The following PGAM1 variants were observed in gnomAD, a reference collection of about 807,000 sequenced individuals.
PGAM1 encodes BPG-dependent PGAM 1.
A neutral mutation model predicts 23.5 loss-of-function variants in PGAM1; 21 were observed. The observed-to-expected ratio is 0.89, with a 90% CI of 0.63 to 1.29. The LOEUF (loss-of-function observed/expected upper bound fraction) is 1.29, where lower values mean the gene tolerates loss of function less well. Ranked by LOEUF, PGAM1 falls within the 50% of genes most tolerant of loss-of-function variation. The pLI, the probability that PGAM1 is intolerant of heterozygous loss-of-function variation, is 0.00. For synonymous variants in PGAM1, 109 were observed against 128.6 expected (o/e 0.85, Z 1.03); for missense variants, 232 against 336.3 (o/e 0.69, Z 2.42).
chr10:97,427,447 TTCTC>T, intron 1 of PGAM1: 1 of 1,023,922 alleles, frequency 9.8e-7, no homozygotes, highest in Non-Finnish European at 1.2e-6. Flanking sequence ...GATTTTATCT[TTCTC>T]ATCTTTCCAA....
At chr10:97,426,773 C>T (rs1845414712) in intron 1 of PGAM1, among the ~76,000 whole-genome samples, 1 of 152,246 alleles carries the variant, frequency 6.6e-6, no homozygotes, top group South Asian at 2.1e-4. Context: ...GTGGCTCACG[C>T]CTGTAATCCC....
At position 97,426,257 on chromosome 10, in the gene PGAM1, T is replaced by G; in HGVS notation, c.-51T>G. 1 of 1,609,440 alleles carries G rather than the reference T, an allele frequency of 6.2e-7. No individual in the cohort carries two copies. Among genetic ancestry groups the G allele is most frequent in the Non-Finnish European group, 8.5e-7 (1 of 1,178,920 alleles). ...AGGCGCGGCCGACGGGGCGGGCTGC[T>G]ACTCCGGAATCTGCTAATCCCAGTC... is the stretch of plus-strand genomic sequence containing the variant. On this transcript the variant is annotated 5_prime_UTR_variant, in exon 1 of 4. Transcript: ENST00000334828.
chr10:97,429,516 T>C (rs1282462099), intron 1 of PGAM1, among the ~76,000 whole-genome samples: 1 of 152,218 alleles, frequency 6.6e-6, no homozygotes, highest in Admixed American at 6.5e-5. Context: ...GCACTGGGTC[T>C]TTCTTTAGTG....
intron 2 of PGAM1, 44 bp downstream of exon 2, chr10:97,430,697 GC>G: frequency 6.2e-7 from 1 of 1,601,384 alleles, no homozygotes; most frequent in Non-Finnish European, 8.5e-7. Flanking sequence ...AGGATCAGGG[GC>G]TTTTAGTAGT....
intron 3 of PGAM1, among the ~76,000 whole-genome samples, 184 bp downstream of exon 3, chr10:97,431,319 T>G (rs1845469384): frequency 6.6e-6 from 1 of 152,164 alleles, no homozygotes; most frequent in Non-Finnish European, 1.5e-5. Context: ...ATCTGCAGAA[T>G]AGTGACAGCT....
chr10:97,429,248 C>T (rs534414887), intron 1 of PGAM1, among the ~76,000 whole-genome samples: 5 of 152,000 alleles, frequency 3.3e-5, no homozygotes, highest in South Asian at 2.1e-4. Flanking sequence ...GGACTACAGG[C>T]GCCCGCCACC....
At chr10:97,431,203 G>A in intron 3 of PGAM1, 68 bp downstream of exon 3, 3 of 1,582,314 alleles carry the variant, frequency 1.9e-6, no homozygotes, top group Non-Finnish European at 2.6e-6. Context: ...TCAGGGACTT[G>A]GTAAAAAGGA....
chr10:97,426,216 AGCGGTGCGAGCGCGCAGGC>A lies in PGAM1; in HGVS notation c.-87_-69del. The A allele has an allele frequency of 6.3e-7, 1 of 1,583,420 alleles. No homozygotes were observed. The highest frequency in any genetic ancestry group is 8.6e-7 in the Non-Finnish European group (1 of 1,157,834). ...GAGAACTTGCGCGGGAGCCGGACTG[AGCGGTGCGAGCGCGCAGGC>A]GCGGCCGACGGGGCGGGCTGCTACT... On this transcript the variant is annotated 5_prime_UTR_variant, in exon 1 of 4. Coordinates refer to ENST00000334828, the MANE Select transcript of PGAM1 (RefSeq NM_002629.4).
At chr10:97,427,919 G>A in intron 1 of PGAM1, 1 of 1,289,338 alleles carries the variant, frequency 7.8e-7, no homozygotes, top group Non-Finnish European at 1.0e-6. Flanking sequence ...GCAAAACGCA[G>A]GACAGTCTGG....
intron 3 of PGAM1, 71 bp from the exon 4 acceptor site, chr10:97,432,284 A>G: frequency 6.3e-7 from 1 of 1,592,414 alleles, no homozygotes; most frequent in Non-Finnish European, 8.6e-7. Flanking sequence ...TATCACCTGG[A>G]GGACAAAGTA....
At position 97,430,370 on chromosome 10, in the gene PGAM1, G is replaced by C. The variant is rs750775936; in HGVS notation, c.140-9G>C. 2.5e-6 allele frequency: 4 copies of C among 1,611,820 alleles called. No homozygotes were observed. The Admixed American group carries it at 6.7e-5, about 27-fold the overall frequency. ...GGTTAGCTTATCACTTTGAACTTCT[G>C]ATTTCCAGATGCTGGCTATGAGTTT... On this transcript the variant is annotated splice_polypyrimidine_tract_variant and intron_variant, in intron 1 of 3. Transcript: ENST00000334828.
intron 2 of PGAM1, 108 bp from the exon 3 acceptor site, chr10:97,430,847 A>AT: frequency 6.5e-7 from 1 of 1,531,082 alleles, no homozygotes. Flanking sequence ...CCATAGTCAG[A>AT]TTTTATAAAA....
At chr10:97,430,315 C>G (rs1047313536) in intron 1 of PGAM1, 64 bp from the exon 2 acceptor site, 2 of 1,587,738 alleles carry the variant, frequency 1.3e-6, no homozygotes, top group African/African-American at 2.7e-5. Flanking sequence ...GAGATTGATA[C>G]TGAAGAACAT....
rs2133129114 is a variant in PGAM1 at position 97,426,560 on chromosome 10, T to C, written c.139+114T>C. On this transcript the variant is annotated intron_variant, in intron 1 of 3. Coordinates refer to ENST00000334828, the MANE Select transcript of PGAM1 (RefSeq NM_002629.4). ...CCGGCACCTTGGGCAGCATCTCTCT[T>C]AACAGTTTAGTGTGTAGTTGAGAAG... is the stretch of plus-strand genomic sequence containing the variant. 1.1e-5 allele frequency: 14 copies of C among 1,319,130 alleles called. No individual in the cohort carries two copies. The South Asian group carries it at 1.5e-4, about 14-fold the overall frequency. The allele number at this position is 1,319,130 out of a possible 1,614,324, so 81.7% of individuals were successfully genotyped here.
rs929036422 is a variant in PGAM1 at position 97,431,038 on chromosome 10, C to T, written c.498C>T (p.Phe166=). 6.2e-7 allele frequency: 1 copy of T among 1,613,920 alleles called. No homozygotes were observed. Among genetic ancestry groups the T allele is most frequent in the Non-Finnish European group, 8.5e-7 (1 of 1,179,978 alleles). The part of the protein sequence containing the change: ...LKDTIARALP[F]WNEEIVPQIK... The stretch of plus-strand genomic sequence containing the variant: ...ATACTATTGCCAGAGCTCTGCCCTT[C>T]TGGAATGAAGAAATAGTTCCCCAGA... Residue 166 remains phenylalanine, a synonymous_variant, in exon 3 of 4, where the codon TTC becomes TTT. Transcript: ENST00000334828.
chr10:97,432,277 CACCTGGAGGACAAAGTAA>C, intron 3 of PGAM1, 60 bp from the exon 4 acceptor site: 3 of 1,584,352 alleles, frequency 1.9e-6, no homozygotes, highest in South Asian at 2.2e-5. Context: ...AGTCCTTTAT[CACCTGGAGGACAAAGTAA>C]ACCTGGAGGG....
intron 1 of PGAM1, among the ~76,000 whole-genome samples, chr10:97,429,265 G>A (rs1167948002): frequency 2.6e-5 from 4 of 151,760 alleles, no homozygotes; most frequent in Admixed American, 6.6e-5. Context: ...CACCATGCCC[G>A]GCTAATTTTT....
intron 3 of PGAM1, among the ~76,000 whole-genome samples, chr10:97,431,349 T>C (rs1845469653): frequency 6.6e-6 from 1 of 152,214 alleles, no homozygotes; most frequent in South Asian, 2.1e-4. Context: ...GGGAGCTTGT[T>C]ATACATGCAG....
chr10:97,433,118 CAAT>C lies in PGAM1; in HGVS notation c.*597_*599del, dbSNP rs1316897753. 1.3e-5 allele frequency: 2 copies of C among 153,410 alleles called. No individual in the cohort carries two copies. Among genetic ancestry groups the C allele is most frequent in the African/African-American group, 2.4e-5 (1 of 40,824 alleles). 9.5% of individuals were successfully genotyped at this position (153,410 alleles called of 1,614,324 possible). On this transcript the variant is annotated 3_prime_UTR_variant, in exon 4 of 4. Coordinates refer to ENST00000334828, the MANE Select transcript of PGAM1 (RefSeq NM_002629.4). The stretch of plus-strand genomic sequence containing the variant: ...AAAGTATAGTATATATAATACAAAA[CAAT>C]AACCCTTCTGGGGTTTCTTGTGGCG...
Sources: allele counts gnomAD v4.1 joint callset (sites outside exome capture counted in the v4.1 genomes callset), GRCh38; gene constraint gnomAD v4.1.1; transcripts MANE v1.5; gene names NCBI Gene and HGNC (gene_info 2026-07-23, HGNC 2026-07-21).